SPAG17: variants seen among roughly 807,000 people sequenced by gnomAD.
SPAG17 encodes sperm-associated antigen 17.
SPAG17 carries 169 observed loss-of-function variants against 273.6 expected under a neutral mutation model. The observed-to-expected ratio is 0.62, with a 90% CI of 0.55 to 0.70. SPAG17 has a LOEUF of 0.70. Ranked by LOEUF, SPAG17 falls within the 30% of genes least tolerant of loss-of-function variation. The probability of loss-of-function intolerance (pLI) is 0.00; values close to 1 mark genes in which losing one functional copy is unlikely to be tolerated. For missense variants in SPAG17, 2,557 were observed against 2,627.8 expected, an observed-to-expected ratio of 0.97 and a Z score of 0.59; for synonymous variants, 825 against 873.2, an observed-to-expected ratio of 0.94 and a Z score of 0.97.
At chr1:118,014,845 G>A (rs937087552) in intron 29 of SPAG17, among the ~76,000 whole-genome samples, 1 of 152,174 alleles carries the variant, frequency 6.6e-6, no homozygotes, top group African/African-American at 2.4e-5. Flanking sequence ...CAAACAACTG[G>A]CTCTAATCCT....
intron 20 of SPAG17, among the ~76,000 whole-genome samples, chr1:118,045,050 G>A (rs888620717): frequency 2.6e-5 from 4 of 152,048 alleles, no homozygotes; most frequent in Non-Finnish European, 5.9e-5. Context: ...AATGAGTAAG[G>A]GCAAAATAAA....
chr1:117,971,061 T>C (rs1654495119), intron 45 of SPAG17, among the ~76,000 whole-genome samples: 1 of 152,146 alleles, frequency 6.6e-6, no homozygotes, highest in East Asian at 1.9e-4. Flanking sequence ...CGTTTTTTTT[T>C]TATCTGATTT....
At chr1:118,008,714 T>C (rs1659162594) in intron 30 of SPAG17, among the ~76,000 whole-genome samples, 3 of 152,174 alleles carry the variant, frequency 2.0e-5, no homozygotes, top group Admixed American at 6.5e-5. Context: ...TTACTCTATG[T>C]ATTTATGTAA....
chr1:118,021,971 A>G (rs1038321463), intron 28 of SPAG17, among the ~76,000 whole-genome samples: 4 of 152,216 alleles, frequency 2.6e-5, no homozygotes, highest in African/African-American at 9.6e-5. Context: ...ATATTGAGTA[A>G]TTAAAAAGTA....
intron 31 of SPAG17, among the ~76,000 whole-genome samples, chr1:118,007,099 T>G (rs12083549): frequency 0.11 from 16,574 of 152,066 alleles, 2,507 homozygotes; most frequent in African/African-American, 0.34. Flanking sequence ...ATCACAAACT[T>G]TTTTTTGATT....
At chr1:118,051,780 A>G (rs930585790) in intron 20 of SPAG17, among the ~76,000 whole-genome samples, 2 of 143,884 alleles carry the variant, frequency 1.4e-5, no homozygotes, top group Non-Finnish European at 3.0e-5. Context: ...ACATAATACT[A>G]TTATAATATA....
intron 1 of SPAG17, among the ~76,000 whole-genome samples, chr1:118,179,372 A>G (rs1660837854): frequency 6.6e-6 from 1 of 152,030 alleles, no homozygotes; most frequent in Non-Finnish European, 1.5e-5. Flanking sequence ...AAATGCTGGG[A>G]AAACTGGATA....
intron 1 of SPAG17, among the ~76,000 whole-genome samples, chr1:118,152,735 T>G (rs1659456792): frequency 6.6e-6 from 1 of 152,222 alleles, no homozygotes; most frequent in African/African-American, 2.4e-5. Flanking sequence ...TGTCTCTAAA[T>G]TCACCAGGGG....
At chr1:117,995,264 A>G (rs1657527204) in intron 34 of SPAG17, among the ~76,000 whole-genome samples, 1 of 152,032 alleles carries the variant, frequency 6.6e-6, no homozygotes, top group African/African-American at 2.4e-5. Flanking sequence ...TCTCTCATAG[A>G]ACTATGTTCT....
At chr1:118,055,653 A>T in intron 19 of SPAG17, 80 bp downstream of exon 19, 1 of 1,198,950 alleles carries the variant, frequency 8.3e-7, no homozygotes, top group Non-Finnish European at 1.2e-6. Flanking sequence ...TATTGAAAAT[A>T]TTCACAGTCT....
At position 118,066,793 on chromosome 1, in the gene SPAG17, A is replaced by T; in HGVS notation, c.2492T>A (p.Leu831Ter). ...AGCAATGTTCCAATATTCACAATGC[A>T]AACGTTGTCTATTCATTGGATTGTG... ...VFHNPMNRQR[L>*]HCEYWNIALH... Residue 831 changes from leucine to a stop codon, truncating the protein, a stop_gained, in exon 18 of 49, where the codon TTG becomes TAG. Transcript: ENST00000336338. LOFTEE classifies it high-confidence loss of function. 1 of 1,613,666 alleles carries T rather than the reference A, an allele frequency of 6.2e-7. No homozygotes were observed. The highest frequency in any genetic ancestry group is 2.2e-5 in the East Asian group (1 of 44,874).
intron 1 of SPAG17, among the ~76,000 whole-genome samples, chr1:118,174,215 TA>T (rs1660571720): frequency 6.6e-6 from 1 of 152,032 alleles, no homozygotes; most frequent in Non-Finnish European, 1.5e-5. Context: ...AGAATGCAAT[TA>T]AAGAATTAAA....
chr1:117,988,761 C>T (rs888351017), intron 38 of SPAG17, among the ~76,000 whole-genome samples: 8 of 151,810 alleles, frequency 5.3e-5, no homozygotes, highest in Non-Finnish European at 7.4e-5. Flanking sequence ...ACTACTTTTC[C>T]GCATCTTTAA....
intron 46 of SPAG17, among the ~76,000 whole-genome samples, chr1:117,968,353 CTACTTTAAAT>C (rs921058447): frequency 2.8e-4 from 42 of 152,282 alleles, no homozygotes; most frequent in Admixed American, 1.2e-3. Flanking sequence ...GGCATAATCC[CTACTTTAAAT>C]TAAAATGAGA....
At chr1:118,150,650 C>T in intron 2 of SPAG17, 21 bp from the exon 3 acceptor site, 2 of 1,337,414 alleles carry the variant, frequency 1.5e-6, no homozygotes, top group East Asian at 2.4e-5. Flanking sequence ...ATTAAATTTA[C>T]TTATGATGAA....
At chr1:118,148,384 A>T (rs1316429708) in intron 3 of SPAG17, among the ~76,000 whole-genome samples, 1 of 152,188 alleles carries the variant, frequency 6.6e-6, no homozygotes, top group Admixed American at 6.6e-5. Context: ...ACACTCGGCA[A>T]GGGTACACGA....
chr1:118,030,991 G>C (rs917396611), intron 25 of SPAG17, among the ~76,000 whole-genome samples: 5 of 151,962 alleles, frequency 3.3e-5, no homozygotes, highest in African/African-American at 1.2e-4. Flanking sequence ...GGTATTTCTG[G>C]TTCTAGGTCC....
At position 118,052,760 on chromosome 1, in the gene SPAG17, AG is replaced by A. The variant is rs1651206542; in HGVS notation, c.2814+1241del. 2.0e-5 allele frequency among the ~76,000 whole-genome samples: 3 copies of A among 152,188 alleles called. No individual in the cohort carries two copies. In the South Asian group the frequency reaches 6.2e-4, roughly 32 times the overall value. ...CAATGCTTGTTAATGACAATACAAA[AG>A]TCTGTAGACCAATTTCATTCACCAT... On this transcript the variant is annotated intron_variant, in intron 20 of 48. Transcript: ENST00000336338.
intron 48 of SPAG17, 43 bp downstream of exon 48, chr1:117,963,756 T>C (rs762431955): frequency 1.3e-6 from 2 of 1,573,504 alleles, no homozygotes; most frequent in African/African-American, 1.4e-5. Context: ...TACCTCAAAT[T>C]TGAATGCTTG....
Sources: allele counts gnomAD v4.1 joint callset (sites outside exome capture counted in the v4.1 genomes callset), GRCh38; gene constraint gnomAD v4.1.1; transcripts MANE v1.5; gene names NCBI Gene and HGNC (gene_info 2026-07-23, HGNC 2026-07-21).